The following CACNA1A variants were observed in gnomAD, a reference collection of about 807,000 sequenced individuals.
The protein encoded by CACNA1A is calcium voltage-gated channel subunit alpha1 A, also known as voltage-dependent P/Q-type calcium channel subunit alpha-1A.
In CACNA1A, 57 loss-of-function variants were observed where a neutral mutation model predicts 262.4. The ratio of observed to expected loss-of-function variants is 0.22; its 90% CI spans 0.18 to 0.27. The LOEUF (loss-of-function observed/expected upper bound fraction) is 0.27. Among genes scored for constraint, CACNA1A ranks in the 10% least tolerant of loss-of-function variants. CACNA1A has a pLI of 1.00. For missense variants in CACNA1A, 2,526 were observed against 3,562.8 expected (o/e 0.71, Z 7.41); for synonymous variants, 1,431 against 1,419.3 (o/e 1.01, Z -0.18).
intron 11 of CACNA1A, among the ~76,000 whole-genome samples, chr19:13,313,790 C>G (rs1182297810): frequency 6.6e-6 from 1 of 152,120 alleles, no homozygotes; most frequent in Non-Finnish European, 1.5e-5. Context: ...GTGCTGTGAT[C>G]TAACAATTAT....
intron 24 of CACNA1A, 78 bp from the exon 25 acceptor site, chr19:13,262,911 C>G: frequency 1.1e-6 from 1 of 908,788 alleles, no homozygotes; most frequent in East Asian, 2.6e-5. Context: ...GCCCACAGCT[C>G]CATGGGACCC....
intron 3 of CACNA1A, among the ~76,000 whole-genome samples, chr19:13,387,877 C>T (rs537051070): frequency 6.6e-6 from 1 of 152,194 alleles, no homozygotes; most frequent in East Asian, 1.9e-4. Flanking sequence ...AAAAAGATGA[C>T]ACAGAGGAAT....
In CACNA1A at chr19:13,212,446, C is replaced by G. The variant is rs1346909273; in HGVS notation, c.6127G>C (p.Gly2043Arg). The G allele has an allele frequency of 1.2e-6, 2 of 1,611,562 alleles. No individual in the cohort carries two copies. The highest frequency in any genetic ancestry group is 8.5e-7 in the Non-Finnish European group (1 of 1,179,010). Residue 2043 changes from glycine (G) to arginine (R), a missense_variant, in exon 42 of 47, where the codon GGC (glycine) becomes CGC (arginine). By Grantham distance (125) the Gly-to-Arg change is moderately radical. This residue lies in a region of CACNA1A where 929 missense variants were observed against 868.1 expected (regional missense o/e 1.07). Transcript: ENST00000360228. This position sits in a 1 kb window ranked among gnomAD's most constrained non-coding sequence, Gnocchi z 5.6. ...GGGCCTTGTTCCGGACTCCATGTGC[C>G]CGTCTTCTGGAACATCTCCTGGGCA... ...QRAQEMFQKTGTWSPEQGPPT... is the reference protein window; with the variant it reads ...QRAQEMFQKTRTWSPEQGPPT...
intron 3 of CACNA1A, among the ~76,000 whole-genome samples, chr19:13,438,499 GC>G (rs1300012304): frequency 1.3e-5 from 2 of 152,224 alleles, no homozygotes; most frequent in Non-Finnish European, 2.9e-5. Flanking sequence ...GCTCAGGCTA[GC>G]CTGCTGGAGG....
chr19:13,304,304 G>A (rs1006578607), intron 15 of CACNA1A, among the ~76,000 whole-genome samples: 3 of 151,964 alleles, frequency 2.0e-5, no homozygotes, highest in Non-Finnish European at 2.9e-5. Context: ...GAGGTCATGG[G>A]GGACTTCATG....
At chr19:13,328,717 AG>A (rs1211192903) in intron 10 of CACNA1A, among the ~76,000 whole-genome samples, 3 of 152,142 alleles carry the variant, frequency 2.0e-5, no homozygotes, top group African/African-American at 7.2e-5. Context: ...CCTATAATAG[AG>A]CTATGGCTAA....
chr19:13,303,702 C>T, intron 16 of CACNA1A, 65 bp downstream of exon 16: 1 of 1,550,322 alleles, frequency 6.5e-7, no homozygotes, highest in Non-Finnish European at 8.9e-7. Flanking sequence ...CTCCCTTGAG[C>T]CCCTGCAACC....
chr19:13,423,382 C>G (rs1214931054), intron 3 of CACNA1A, among the ~76,000 whole-genome samples: 1 of 152,106 alleles, frequency 6.6e-6, no homozygotes, highest in Non-Finnish European at 1.5e-5. Flanking sequence ...GTCACAGCAC[C>G]CAGATCAGAG....
chr19:13,238,555 C>T (rs1041694137), intron 31 of CACNA1A, among the ~76,000 whole-genome samples: 2 of 151,738 alleles, frequency 1.3e-5, no homozygotes, highest in Non-Finnish European at 2.9e-5. Context: ...TTCCCCCAAC[C>T]TGGTCCTTTC....
At chr19:13,451,688 C>T (rs2060918845) in intron 3 of CACNA1A, 1 of 152,190 alleles carries the variant, frequency 6.6e-6, no homozygotes. Context: ...ACTCATAAAC[C>T]TTTCCAAGTA....
At chr19:13,396,248 C>T (rs1378275852) in intron 3 of CACNA1A, among the ~76,000 whole-genome samples, 1 of 152,222 alleles carries the variant, frequency 6.6e-6, no homozygotes, top group Non-Finnish European at 1.5e-5. Context: ...TGAACTAAAG[C>T]TTTCTGACTC....
At chr19:13,498,657 T>C (rs1226833281) in intron 1 of CACNA1A, among the ~76,000 whole-genome samples, 2 of 152,236 alleles carry the variant, frequency 1.3e-5, no homozygotes, top group African/African-American at 4.8e-5. Context: ...CCTTCATAGC[T>C]GGAATCTCTC....
At chr19:13,424,990 T>G (rs554607909) in intron 3 of CACNA1A, among the ~76,000 whole-genome samples, 4 of 151,816 alleles carry the variant, frequency 2.6e-5, no homozygotes, top group South Asian at 2.1e-4. Flanking sequence ...ATCTTTAGTA[T>G]AGATGGGGTT....
chr19:13,393,224 T>C (rs1369154135), intron 3 of CACNA1A, among the ~76,000 whole-genome samples: 1 of 152,102 alleles, frequency 6.6e-6, no homozygotes, highest in African/African-American at 2.4e-5. Flanking sequence ...AGCCCCAAAG[T>C]AGAAAGCACC....
chr19:13,218,033 C>A (rs760250510), intron 38 of CACNA1A, among the ~76,000 whole-genome samples: 12 of 151,514 alleles, frequency 7.9e-5, no homozygotes, highest in Admixed American at 2.6e-4. Flanking sequence ...GCCTCAGCCT[C>A]CCAAAGTGCT....
chr19:13,473,360 A>G (rs1176271547), intron 1 of CACNA1A, among the ~76,000 whole-genome samples: 2 of 152,228 alleles, frequency 1.3e-5, no homozygotes, highest in Admixed American at 1.3e-4. Context: ...CCACAAGCCA[A>G]TCAAGCCAAT....
At chr19:13,311,799 C>T (rs1016377153) in intron 12 of CACNA1A, among the ~76,000 whole-genome samples, 8 of 151,632 alleles carry the variant, frequency 5.3e-5, no homozygotes, top group African/African-American at 7.3e-5. Flanking sequence ...ATGGCGCCAC[C>T]GCACTCCAGC....
intron 6 of CACNA1A, among the ~76,000 whole-genome samples, chr19:13,357,220 A>C (rs2059021287): frequency 6.6e-6 from 1 of 152,156 alleles, no homozygotes; most frequent in South Asian, 2.1e-4. Flanking sequence ...GGAGGTTGCA[A>C]TTTTTGTGTG....
chr19:13,268,407 C>T (rs1289634095), intron 24 of CACNA1A, among the ~76,000 whole-genome samples: 2 of 151,574 alleles, frequency 1.3e-5, no homozygotes, highest in African/African-American at 4.8e-5. Context: ...TGGAATTTTC[C>T]ATCCACGACC....
Sources: gnomAD v4.1 joint callset for allele counts (sites outside exome capture counted in the v4.1 genomes callset) on GRCh38, gnomAD v4.1.1 for gene constraint, gnomAD v4.1.1 regional missense constraint, Gnocchi (gnomAD v3.1) non-coding constraint, MANE v1.5 for transcripts, NCBI Gene and HGNC (gene_info 2026-07-23, HGNC 2026-07-21) for gene names.